Variants in CEP126 observed in about 807,000 individuals in gnomAD.
The protein encoded by CEP126 is centrosomal protein of 126 kDa.
CEP126 carries 74 observed loss-of-function variants against 107.8 expected under a neutral mutation model. That is an observed-to-expected ratio of 0.69 (90% CI 0.57 to 0.83). CEP126 has a LOEUF of 0.83. Ranked by LOEUF, CEP126 falls within the 40% of genes least tolerant of loss-of-function variation. CEP126 has a pLI of 0.00. For synonymous variants in CEP126, 449 were observed against 446.0 expected (o/e 1.01, Z -0.08); for missense variants, 1,237 against 1,281.9 (o/e 0.96, Z 0.53).
Position 101,962,347 on chromosome 11 carries a change from G to C in CEP126, c.1312G>C (p.Glu438Gln). ...TQEVATFPDQ[E>Q]KYSELNQENG... ...GGAAGTGGCTACATTTCCAGACCAAGAGAAATATTCTGAATTAAATCAAGA... is the reference window on the plus strand; with the variant it reads ...GGAAGTGGCTACATTTCCAGACCAACAGAAATATTCTGAATTAAATCAAGA... Residue 438 changes from glutamate (E) to glutamine (Q), a missense_variant, in exon 6 of 11, where the codon GAG becomes CAG. By Grantham distance (29) the Glu-to-Gln change is conservative. Transcript: ENST00000263468. The C allele has an allele frequency of 6.2e-7, 1 of 1,613,660 alleles. No individual in the cohort carries two copies. The highest frequency in any genetic ancestry group is 8.5e-7 in the Non-Finnish European group (1 of 1,179,840).
At chr11:101,968,602 G>T (rs375763187) in intron 6 of CEP126, among the ~76,000 whole-genome samples, 115 of 152,272 alleles carry the variant, frequency 7.6e-4, no homozygotes, top group African/African-American at 2.5e-3. Flanking sequence ...GAAATAATAT[G>T]CCTGGAAACA....
intron 9 of CEP126, among the ~76,000 whole-genome samples, chr11:101,990,952 C>T (rs879737662): frequency 3.3e-5 from 5 of 152,168 alleles, no homozygotes; most frequent in Non-Finnish European, 7.4e-5. Flanking sequence ...GCAGGCAGAT[C>T]ACTTGAGCCC....
At chr11:101,955,594 C>T (rs541415110) in intron 4 of CEP126, among the ~76,000 whole-genome samples, 5 of 152,202 alleles carry the variant, frequency 3.3e-5, no homozygotes, top group Admixed American at 2.0e-4. Context: ...TAAGAAATGG[C>T]GAACCTGAAT....
chr11:101,955,823 C>T (rs892829190), intron 4 of CEP126: 2 of 454,478 alleles, frequency 4.4e-6, no homozygotes, highest in African/African-American at 2.0e-5. Context: ...TGTCTCCACA[C>T]CTGACCCCTA....
chr11:101,927,286 A>C (rs1940427387), intron 2 of CEP126, among the ~76,000 whole-genome samples: 1 of 152,220 alleles, frequency 6.6e-6, no homozygotes, highest in African/African-American at 2.4e-5. Context: ...TGGGTGACAG[A>C]GCGAGTCTCC....
Position 101,980,942 on chromosome 11 carries a change from C to T in CEP126, c.2959-947C>T, listed in dbSNP as rs183422216. Among the ~76,000 whole-genome samples, 383 of 152,268 alleles carry T rather than the reference C, an allele frequency of 2.5e-3. 2 individuals are homozygous for T. The highest frequency in any genetic ancestry group is 2.9e-3 in the Non-Finnish European group (196 of 68,014). Reference sequence around the variant, plus strand: ...CTCAGATCAGATTGAAGAAAAGTTACGCATAGTTATAGCCAGGCAGTTTTA... The same window carrying T: ...CTCAGATCAGATTGAAGAAAAGTTATGCATAGTTATAGCCAGGCAGTTTTA... On this transcript the variant is annotated intron_variant, in intron 7 of 10. Coordinates refer to ENST00000263468, the MANE Select transcript of CEP126 (RefSeq NM_020802.4).
rs915893325 is a variant in CEP126, at chr11:102,000,371, T to C, written c.*2728T>C. 8 of 152,200 alleles carry C rather than the reference T, an allele frequency of 5.3e-5. No homozygotes were observed. Among genetic ancestry groups the C allele is most frequent in the East Asian group, 3.9e-4 (2 of 5,168 alleles). The allele number at this position is 152,200 out of a possible 1,614,324, so 9.4% of individuals were successfully genotyped here. ...TCACTTTCCTCAGTGGAAAAACTTA[T>C]GAAACTTCTTATAAGAGAGAGTAAT... is the stretch of plus-strand genomic sequence containing the variant. On this transcript the variant is annotated 3_prime_UTR_variant, in exon 11 of 11. Transcript: ENST00000263468.
chr11:101,990,358 T>C (rs1941364054), intron 9 of CEP126, among the ~76,000 whole-genome samples: 1 of 152,122 alleles, frequency 6.6e-6, no homozygotes, highest in African/African-American at 2.4e-5. Context: ...ATAAAGGCCA[T>C]CTGGGACAGA....
At chr11:101,957,899 A>G (rs1311303831) in intron 4 of CEP126, among the ~76,000 whole-genome samples, 1 of 152,226 alleles carries the variant, frequency 6.6e-6, no homozygotes, top group African/African-American at 2.4e-5. Flanking sequence ...ATAGAGGGAT[A>G]GGTTATAATA....
intron 1 of CEP126, among the ~76,000 whole-genome samples, chr11:101,917,993 C>T (rs1203012229): frequency 6.6e-6 from 1 of 152,168 alleles, no homozygotes; most frequent in African/African-American, 2.4e-5. Flanking sequence ...GTCTCTGTCA[C>T]CTTCCATCAC....
At chr11:101,925,870 G>A (rs1406437575) in intron 2 of CEP126, among the ~76,000 whole-genome samples, 2 of 148,198 alleles carry the variant, frequency 1.3e-5, no homozygotes, top group Non-Finnish European at 3.0e-5. Context: ...GGCCAGGCTG[G>A]TCTCGAACTC....
Position 101,963,831 on chromosome 11 carries a change from C to T in CEP126, c.2796C>T (p.Pro932=). ...TLRTAEEESV[P]LWKRGPNVLH... is the part of the protein sequence containing the mutation. ...GAACTGCTGAAGAAGAATCAGTTCCCTTATGGAAAAGAGGTCCTAATGTCC... is the reference window on the plus strand; with the variant it reads ...GAACTGCTGAAGAAGAATCAGTTCCTTTATGGAAAAGAGGTCCTAATGTCC... Residue 932 remains proline, a synonymous_variant, in exon 6 of 11, where the codon CCC becomes CCT. Coordinates refer to ENST00000263468, the MANE Select transcript of CEP126 (RefSeq NM_020802.4). The T allele has an allele frequency of 6.2e-7, 1 of 1,613,880 alleles. No individual in the cohort carries two copies. The highest frequency in any genetic ancestry group is 8.5e-7 in the Non-Finnish European group (1 of 1,179,920).
chr11:101,946,077 C>G (rs1940732443), intron 3 of CEP126, among the ~76,000 whole-genome samples: 1 of 151,708 alleles, frequency 6.6e-6, no homozygotes, highest in South Asian at 2.1e-4. Context: ...ATGTTAAGCT[C>G]CTAAATTAAA....
At chr11:101,973,784 T>C (rs1197728602) in intron 6 of CEP126, among the ~76,000 whole-genome samples, 1 of 152,234 alleles carries the variant, frequency 6.6e-6, no homozygotes, top group East Asian at 1.9e-4. Flanking sequence ...AAGTTTCTAA[T>C]TATGATAACT....
intron 2 of CEP126, among the ~76,000 whole-genome samples, chr11:101,936,141 G>A (rs1170891544): frequency 6.6e-6 from 1 of 151,950 alleles, no homozygotes; most frequent in Non-Finnish European, 1.5e-5. Flanking sequence ...TAATAAAATT[G>A]AGTCTTGCAG....
Position 101,926,742 on chromosome 11 carries a change from T to G in CEP126, c.248+3982T>G, listed in dbSNP as rs563811583. ...GGAATTCTTGTAGATTATGAAAACTTTATTTTCACATTTTAACATAAATTT... is the reference window on the plus strand; with the variant it reads ...GGAATTCTTGTAGATTATGAAAACTGTATTTTCACATTTTAACATAAATTT... On this transcript the variant is annotated intron_variant, in intron 2 of 10. Coordinates refer to ENST00000263468, the MANE Select transcript of CEP126 (RefSeq NM_020802.4). Among the ~76,000 whole-genome samples the G allele has an allele frequency of 1.1e-3, 173 of 152,286 alleles. 1 individual carries two copies. Among genetic ancestry groups the G allele is most frequent in the Non-Finnish European group, 1.9e-3 (131 of 68,014 alleles).
intron 3 of CEP126, 21 bp downstream of exon 3, chr11:101,944,431 G>C (rs779423378): frequency 6.3e-7 from 1 of 1,587,502 alleles, no homozygotes; most frequent in Admixed American, 1.9e-5. Context: ...TTCTAGAACA[G>C]TATGAGAACA....
rs546504787 is a variant in CEP126 at position 101,971,867 on chromosome 11, G to A, written c.2846-6480G>A. ...CTCACGCCTGTAATTCCAGCACTTT[G>A]GGATGCCAAAGCAAGCGGATCACTT... On this transcript the variant is annotated intron_variant, in intron 6 of 10. Coordinates refer to ENST00000263468, the MANE Select transcript of CEP126 (RefSeq NM_020802.4). Among the ~76,000 whole-genome samples, 15 of 152,312 alleles carry A rather than the reference G, an allele frequency of 9.8e-5. No individual in the cohort carries two copies. The East Asian group carries it at 2.7e-3, about 27-fold the overall frequency.
rs951126727 is a variant in CEP126 at position 102,000,759 on chromosome 11, A to G, written c.*3116A>G. The G allele has an allele frequency of 6.6e-6, 1 of 152,190 alleles. No homozygotes were observed. Among genetic ancestry groups the G allele is most frequent in the East Asian group, 1.9e-4 (1 of 5,196 alleles). The allele number at this position is 152,190 out of a possible 1,614,324, so 9.4% of individuals were successfully genotyped here. On this transcript the variant is annotated 3_prime_UTR_variant, in exon 11 of 11. Coordinates refer to ENST00000263468, the MANE Select transcript of CEP126 (RefSeq NM_020802.4). ...AAAGGTATCAAATAATTGAAAGAAA[A>G]GTTTAAACACATTTCCGAGAGGCAG... is the stretch of plus-strand genomic sequence containing the variant.
Sources: allele counts gnomAD v4.1 joint callset (sites outside exome capture counted in the v4.1 genomes callset), GRCh38; gene constraint gnomAD v4.1.1; transcripts MANE v1.5; gene names NCBI Gene and HGNC (gene_info 2026-07-23, HGNC 2026-07-21).